Variants in RNF217 observed in about 807,000 individuals in gnomAD.
RNF217 encodes the protein ring finger protein 217.
A neutral mutation model predicts 57.8 loss-of-function variants in RNF217; 31 were observed. The ratio of observed to expected loss-of-function variants is 0.54; its 90% CI spans 0.40 to 0.72. The LOEUF (loss-of-function observed/expected upper bound fraction) is 0.72. RNF217 is among the 30% of genes least tolerant of loss of function. The pLI is 0.00. For missense variants in RNF217, 696 were observed against 708.3 expected, an observed-to-expected ratio of 0.98 and a Z score of 0.20; for synonymous variants, 313 against 294.0, an observed-to-expected ratio of 1.06 and a Z score of -0.66.
chr6:124,985,176 A>G (rs1784328526), intron 1 of RNF217, among the ~76,000 whole-genome samples: 1 of 152,210 alleles, frequency 6.6e-6, no homozygotes, highest in African/African-American at 2.4e-5. Context: ...GCTGGTTAGG[A>G]TAGGGGAAAA....
chr6:125,051,106 CAA>C (rs1209389010), intron 2 of RNF217, among the ~76,000 whole-genome samples: 1 of 151,712 alleles, frequency 6.6e-6, no homozygotes, highest in East Asian at 1.9e-4. Flanking sequence ...AAATTAGACA[CAA>C]TATTTTTAGA....
At position 125,091,297 on chromosome 6, in the gene RNF217, G is replaced by A. The variant is rs920582846; in HGVS notation, c.*8360G>A. 1.3e-5 allele frequency: 2 copies of A among 151,990 alleles called. No homozygotes were observed. Among genetic ancestry groups the A allele is most frequent in the Non-Finnish European group, 2.9e-5 (2 of 67,922 alleles). The allele number at this position is 151,990 out of a possible 1,614,324, so 9.4% of individuals were successfully genotyped here. A position where few individuals can be genotyped will look rare whatever the true frequency, so the allele number is the denominator to read the frequency against. ...TTCCATATGGTGCTTTGTGTGATGA[G>A]TATATAACATTCATATACGTTATTA... On this transcript the variant is annotated 3_prime_UTR_variant, in exon 6 of 6. Transcript: ENST00000521654.
chr6:125,080,690 C>T (rs1356705076), intron 4 of RNF217, among the ~76,000 whole-genome samples: 1 of 152,074 alleles, frequency 6.6e-6, no homozygotes, highest in Admixed American at 6.6e-5. Flanking sequence ...ATGTTGGACT[C>T]TGCTATGTAT....
chr6:125,011,051 A>G (rs943936964), intron 1 of RNF217, among the ~76,000 whole-genome samples: 10 of 152,184 alleles, frequency 6.6e-5, no homozygotes, highest in African/African-American at 2.4e-4. Flanking sequence ...TTGGAAAGCA[A>G]TCGTTTTGAA....
chr6:125,033,505 C>T (rs13200005), intron 1 of RNF217, among the ~76,000 whole-genome samples: 49,185 of 145,150 alleles, frequency 0.34, 7,728 homozygotes, highest in East Asian at 0.41. Context: ...TCATCCATGT[C>T]CCTACAAAGG....
At chr6:125,045,176 GT>G in intron 1 of RNF217, 34 bp from the exon 2 acceptor site, 6 of 1,405,982 alleles carry the variant, frequency 4.3e-6, no homozygotes, top group East Asian at 4.6e-5. Flanking sequence ...AACCAGTGAC[GT>G]TTTTTTCCTT....
intron 1 of RNF217, among the ~76,000 whole-genome samples, chr6:125,031,331 G>T (rs1473281833): frequency 6.6e-6 from 1 of 152,212 alleles, no homozygotes; most frequent in African/African-American, 2.4e-5. Flanking sequence ...GTGAATTTCT[G>T]CAGCTGGCTT....
intron 1 of RNF217, among the ~76,000 whole-genome samples, chr6:125,025,038 C>T (rs41507346): frequency 0.1 from 15,642 of 152,018 alleles, 974 homozygotes; most frequent in African/African-American, 0.17. Context: ...CAGGGAAAAT[C>T]CACAAAGGAG....
Position 124,962,822 on chromosome 6 carries a change from C to T in RNF217, c.278C>T (p.Thr93Ile), listed in dbSNP as rs1462537303. ...APAQPAGLAL[T>I]GPLNPQTLPL... ...GCGCAGCCTGCGGGACTGGCACTCA[C>T]CGGGCCTCTCAATCCCCAGACCTTG... The change falls in exon 1 of 6, where the codon ACC (threonine) becomes ATC (isoleucine). Residue 93 changes from threonine (T) to isoleucine (I), a missense_variant. Thr to Ile is a moderately conservative substitution (Grantham distance 89). Transcript: ENST00000521654. This position sits in a 1 kb window ranked among gnomAD's most constrained non-coding sequence, Gnocchi z 4.6. 1.3e-6 allele frequency: 2 copies of T among 1,597,740 alleles called. No homozygotes were observed. Among genetic ancestry groups the T allele is most frequent in the East Asian group, 2.2e-5 (1 of 44,834 alleles).
chr6:124,963,465 A>T, intron 1 of RNF217, 39 bp downstream of exon 1: 1 of 1,433,578 alleles, frequency 7.0e-7, no homozygotes, highest in South Asian at 1.5e-5. Flanking sequence ...TATCATTCCA[A>T]ATCACTGGCG....
In RNF217 at chr6:125,009,349, C is replaced by G; in HGVS notation, c.883-35862C>G. 4 of 1,058,264 alleles carry G rather than the reference C, an allele frequency of 3.8e-6. No individual in the cohort carries two copies. The South Asian group carries it at 5.4e-5, about 14-fold the overall frequency. The allele number at this position is 1,058,264 out of a possible 1,614,324, so 65.6% of individuals were successfully genotyped here. The stretch of plus-strand genomic sequence containing the variant: ...AGGAGCCCTTGTAATCTCTTCAAAA[C>G]ACCTCCTGTGAAGCCCTCTCACAGA... On this transcript the variant is annotated intron_variant, in intron 1 of 5. Coordinates refer to ENST00000521654, the MANE Select transcript of RNF217 (RefSeq NM_001286398.3).
At chr6:125,003,976 T>C (rs1180917683) in intron 1 of RNF217, among the ~76,000 whole-genome samples, 2 of 152,158 alleles carry the variant, frequency 1.3e-5, no homozygotes, top group Non-Finnish European at 2.9e-5. Context: ...AGTAGCCAAA[T>C]GATGTCAAGT....
intron 2 of RNF217, among the ~76,000 whole-genome samples, chr6:125,055,629 G>C (rs1353392537): frequency 6.6e-6 from 1 of 152,104 alleles, no homozygotes; most frequent in African/African-American, 2.4e-5. Context: ...TTTTCAAAAA[G>C]TTCATTTAAT....
At chr6:125,078,317 A>G (rs1788453873) in intron 4 of RNF217, among the ~76,000 whole-genome samples, 1 of 152,194 alleles carries the variant, frequency 6.6e-6, no homozygotes, top group East Asian at 1.9e-4. Flanking sequence ...CAACATGAAA[A>G]CACAAAATCA....
chr6:125,074,628 CT>C (rs1788296103), intron 3 of RNF217, among the ~76,000 whole-genome samples: 1 of 152,006 alleles, frequency 6.6e-6, no homozygotes, highest in African/African-American at 2.4e-5. Flanking sequence ...ATCTCTCAAC[CT>C]TTTCATTTCT....
intron 1 of RNF217, among the ~76,000 whole-genome samples, chr6:125,044,709 A>G (rs540546813): frequency 2.6e-5 from 4 of 152,288 alleles, no homozygotes; most frequent in African/African-American, 7.2e-5. Context: ...TTTTTAAACT[A>G]TTAGGCATTA....
chr6:124,993,742 T>C (rs991512904), intron 1 of RNF217, among the ~76,000 whole-genome samples: 9 of 152,004 alleles, frequency 5.9e-5, no homozygotes, highest in African/African-American at 1.9e-4. Flanking sequence ...TTGTAAGGAA[T>C]AGTGAGGCCT....
intron 1 of RNF217, among the ~76,000 whole-genome samples, chr6:125,030,565 A>T (rs1786310937): frequency 6.6e-6 from 1 of 152,196 alleles, no homozygotes; most frequent in South Asian, 2.1e-4. Flanking sequence ...TGCAAGTCCA[A>T]AATCCAGTAG....
At chr6:125,079,629 G>A (rs1319008095) in intron 4 of RNF217, among the ~76,000 whole-genome samples, 1 of 152,050 alleles carries the variant, frequency 6.6e-6, no homozygotes, top group Non-Finnish European at 1.5e-5. Flanking sequence ...GTTTTATCAA[G>A]TTAATACTTA....
Sources: gnomAD v4.1 joint callset for allele counts (sites outside exome capture counted in the v4.1 genomes callset) on GRCh38, gnomAD v4.1.1 for gene constraint, Gnocchi (gnomAD v3.1) non-coding constraint, MANE v1.5 for transcripts, NCBI Gene and HGNC (gene_info 2026-07-23, HGNC 2026-07-21) for gene names.